Variants in SLIT2 observed in about 807,000 individuals in gnomAD.
The protein encoded by SLIT2 is slit homolog 2 protein.
In SLIT2, 41 loss-of-function variants were observed where a neutral mutation model predicts 185.7. The observed-to-expected ratio is 0.22, with a 90% CI of 0.17 to 0.29. SLIT2 has a LOEUF of 0.29. Among genes scored for constraint, SLIT2 ranks in the 10% least tolerant of loss-of-function variants. The pLI, the probability that SLIT2 is intolerant of heterozygous loss-of-function variation, is 1.00. For synonymous variants in SLIT2, 693 were observed against 680.2 expected (o/e 1.02, Z -0.29); for missense variants, 1,571 against 1,909.0 (o/e 0.82, Z 3.30).
At chr4:20,372,590 T>A (rs1239700330) in intron 4 of SLIT2, among the ~76,000 whole-genome samples, 1 of 152,086 alleles carries the variant, frequency 6.6e-6, no homozygotes, top group African/African-American at 2.4e-5. Flanking sequence ...CCTGCTAAAT[T>A]CTGACTTTCA....
chr4:20,345,106 C>T (rs1006169600), intron 4 of SLIT2, among the ~76,000 whole-genome samples: 2 of 152,012 alleles, frequency 1.3e-5, no homozygotes, highest in Non-Finnish European at 2.9e-5. Flanking sequence ...ATACAAATAT[C>T]TATGTTTTAA....
rs144651651 is a variant in SLIT2, at chr4:20,556,607, C to T, written c.2725+2639C>T. Among the ~76,000 whole-genome samples, 400 of 152,046 alleles carry T rather than the reference C, an allele frequency of 2.6e-3. 10 individuals are homozygous for T. In the South Asian group the frequency reaches 0.06, roughly 23 times the overall value. ...TCTCTCTCTTTCACCTTGGGAATCC[C>T]AATTCTCTGAGACCCAACAATACTG... On this transcript the variant is annotated intron_variant, in intron 26 of 36. Coordinates refer to ENST00000504154, the MANE Select transcript of SLIT2 (RefSeq NM_004787.4).
chr4:20,573,801 A>G (rs1270078292), intron 29 of SLIT2, among the ~76,000 whole-genome samples: 1 of 152,100 alleles, frequency 6.6e-6, no homozygotes, highest in Non-Finnish European at 1.5e-5. Flanking sequence ...GTTGACTTAT[A>G]AATTTGTGTT....
At chr4:20,466,510 CA>C (rs79674154) in intron 4 of SLIT2, among the ~76,000 whole-genome samples, 6,477 of 151,926 alleles carry the variant, frequency 0.043, 268 homozygotes, top group East Asian at 0.15. Context: ...AATTGCTTAG[CA>C]AAAAAACATT....
At chr4:20,612,918 CAA>C (rs33919601) in intron 34 of SLIT2, among the ~76,000 whole-genome samples, 5 of 120,510 alleles carry the variant, frequency 4.1e-5, no homozygotes, top group Non-Finnish European at 1.7e-5. Flanking sequence ...ACTCCATCTC[CAA>C]AAAAAAAAAA....
In SLIT2 at chr4:20,347,010, C is replaced by T. The variant is rs544197440; in HGVS notation, c.395+78129C>T. 9.3e-4 allele frequency among the ~76,000 whole-genome samples: 142 copies of T among 152,312 alleles called. 1 individual carries two copies. Among genetic ancestry groups the T allele is most frequent in the African/African-American group, 3.0e-3 (125 of 41,568 alleles). On this transcript the variant is annotated intron_variant, in intron 4 of 36. Coordinates refer to ENST00000504154, the MANE Select transcript of SLIT2 (RefSeq NM_004787.4). ...TCTCCTTTGGCAACACCCTCACAGA[C>T]ACACCCAGTAACAATACTTTGCATC...
intron 4 of SLIT2, among the ~76,000 whole-genome samples, chr4:20,279,313 C>T (rs913320153): frequency 4.5e-4 from 69 of 152,188 alleles, no homozygotes; most frequent in Non-Finnish European, 6.5e-4. Flanking sequence ...ACCTCTTCAA[C>T]GTTATCATGC....
intron 29 of SLIT2, 87 bp downstream of exon 29, chr4:20,569,091 C>A (rs746563580): frequency 1.5e-5 from 17 of 1,150,760 alleles, no homozygotes; most frequent in Non-Finnish European, 1.9e-5. Flanking sequence ...TTTAGTAAAT[C>A]TTTTTTTATT....
chr4:20,596,463 C>T lies in SLIT2; in HGVS notation c.3369C>T (p.Ser1123=). 6.2e-7 allele frequency: 1 copy of T among 1,613,956 alleles called. No homozygotes were observed. Among genetic ancestry groups the T allele is most frequent in the Non-Finnish European group, 8.5e-7 (1 of 1,179,896 alleles). Reference sequence around the variant, plus strand: ...CACCCATGGTCCTCCCTCGTACCAGCCCCTGTGATAATTTTGATTGTCAGA... The same window carrying T: ...CACCCATGGTCCTCCCTCGTACCAGTCCCTGTGATAATTTTGATTGTCAGA... ...FSPPMVLPRT[S]PCDNFDCQNG... is the part of the protein sequence containing the mutation. Residue 1123 remains serine (S), a synonymous_variant, in exon 32 of 37, where the codon AGC becomes AGT. Transcript: ENST00000504154.
chr4:20,547,391 G>T (rs1443194307), intron 22 of SLIT2, among the ~76,000 whole-genome samples: 1 of 151,980 alleles, frequency 6.6e-6, no homozygotes, highest in South Asian at 2.1e-4. Flanking sequence ...TCCAAAAATG[G>T]TTTTACTAGT....
At chr4:20,334,176 A>G (rs1471294190) in intron 4 of SLIT2, among the ~76,000 whole-genome samples, 1 of 152,196 alleles carries the variant, frequency 6.6e-6, no homozygotes, top group African/African-American at 2.4e-5. Flanking sequence ...GAGGGAAAAG[A>G]TTATGTTGCA....
At chr4:20,376,406 T>G (rs1360073893) in intron 4 of SLIT2, among the ~76,000 whole-genome samples, 2 of 152,088 alleles carry the variant, frequency 1.3e-5, no homozygotes, top group African/African-American at 4.8e-5. Flanking sequence ...TCTATATTTT[T>G]TAATATGAGA....
intron 4 of SLIT2, among the ~76,000 whole-genome samples, chr4:20,440,882 G>A (rs1729689671): frequency 1.3e-5 from 2 of 152,072 alleles, no homozygotes; most frequent in South Asian, 2.1e-4. Context: ...AGGAGTCATC[G>A]TACCCAAACA....
chr4:20,496,356 G>A (rs770201949), intron 9 of SLIT2, among the ~76,000 whole-genome samples: 47 of 152,208 alleles, frequency 3.1e-4, no homozygotes, highest in Non-Finnish European at 5.6e-4. Context: ...GAAAGAGACT[G>A]ACATTTATTA....
chr4:20,384,569 C>G (rs1343850389), intron 4 of SLIT2, among the ~76,000 whole-genome samples: 1 of 152,104 alleles, frequency 6.6e-6, no homozygotes, highest in African/African-American at 2.4e-5. Context: ...ATTATACTGA[C>G]AGTTGTGTCA....
intron 29 of SLIT2, among the ~76,000 whole-genome samples, chr4:20,570,708 C>A (rs1226666243): frequency 8.7e-6 from 1 of 115,210 alleles, no homozygotes; most frequent in Admixed American, 1.2e-4. Context: ...TGCACAGAAC[C>A]AGGAATATAT....
At chr4:20,388,260 TA>T (rs1436762224) in intron 4 of SLIT2, among the ~76,000 whole-genome samples, 58 of 152,292 alleles carry the variant, frequency 3.8e-4, no homozygotes, top group African/African-American at 1.4e-3. Flanking sequence ...TGTTAAAATT[TA>T]AGCCACAGAC....
At chr4:20,299,167 C>T (rs1427559727) in intron 4 of SLIT2, among the ~76,000 whole-genome samples, 1 of 152,102 alleles carries the variant, frequency 6.6e-6, no homozygotes, top group Non-Finnish European at 1.5e-5. Context: ...GCTCTTGCCA[C>T]ACCAGTTGTA....
At chr4:20,575,752 G>A (rs1254231143) in intron 29 of SLIT2, among the ~76,000 whole-genome samples, 3 of 151,986 alleles carry the variant, frequency 2.0e-5, no homozygotes, top group Non-Finnish European at 4.4e-5. Flanking sequence ...AAGGAAAGCT[G>A]TACCCACAAA....
Sources: gnomAD v4.1 joint callset for allele counts (sites outside exome capture counted in the v4.1 genomes callset) on GRCh38, gnomAD v4.1.1 for gene constraint, MANE v1.5 for transcripts, NCBI Gene and HGNC (gene_info 2026-07-23, HGNC 2026-07-21) for gene names.